Variants in HEATR5B observed in about 807,000 individuals in gnomAD.
The protein encoded by HEATR5B is HEAT repeat containing 5B, also known as HEAT repeat-containing protein 5B.
In HEATR5B, 156 loss-of-function variants were observed where a neutral mutation model predicts 224.1. That is an observed-to-expected ratio of 0.70 (90% CI 0.61 to 0.80). The LOEUF (loss-of-function observed/expected upper bound fraction) is 0.80, where lower values mean the gene tolerates loss of function less well. HEATR5B is among the 30% of genes least tolerant of loss of function. The probability of loss-of-function intolerance (pLI) is 0.00; values close to 1 mark genes in which losing one functional copy is unlikely to be tolerated. For missense variants in HEATR5B, 2,323 were observed against 2,535.5 expected (o/e 0.92, Z 1.80); for synonymous variants, 1,027 against 893.0 (o/e 1.15, Z -2.68).
chr2:37,075,537 G>C lies in HEATR5B; in HGVS notation c.545C>G (p.Ala182Gly), dbSNP rs1335639789. The part of the protein sequence containing the change: ...ASSHRDIYKN[A>G]RSLLTDRSMA... The stretch of plus-strand genomic sequence containing the variant: ...TGACCTATCAGTCAAGAGAGACCTG[G>C]CATTCTTGTAAATATCACGATGGGA... Residue 182 changes from alanine (A) to glycine (G), a missense_variant, in exon 5 of 36, where the codon GCC (alanine) becomes GGC (glycine). Around this residue, in one of 12 missense-constraint regions of HEATR5B, gnomAD observed 292 missense variants for 332.6 expected, o/e 0.88. Coordinates refer to ENST00000233099, the MANE Select transcript of HEATR5B (RefSeq NM_019024.3). The C allele has an allele frequency of 1.2e-6, 2 of 1,613,776 alleles. No individual in the cohort carries two copies. Among genetic ancestry groups the C allele is most frequent in the Admixed American group, 3.3e-5 (2 of 59,994 alleles).
chr2:37,080,630 C>CT lies in HEATR5B; in HGVS notation c.127-1300_127-1299insA, dbSNP rs141649084. ...AAAGGGCAGGTTTGGGAGGAGAAAT[C>CT]AAGAATTTGGTTTGGGTATGTTAAC... On this transcript the variant is annotated intron_variant, in intron 2 of 35. Transcript: ENST00000233099. Among the ~76,000 whole-genome samples, 279 of 152,102 alleles carry CT rather than the reference C, an allele frequency of 1.8e-3. 1 individual carries two copies. The highest frequency in any genetic ancestry group is 3.4e-3 in the Middle Eastern group (1 of 294).
intron 16 of HEATR5B, among the ~76,000 whole-genome samples, chr2:37,053,966 T>C (rs1670722818): frequency 6.6e-6 from 1 of 151,870 alleles, no homozygotes; most frequent in African/African-American, 2.4e-5. Context: ...ATTTTTAAGT[T>C]AGAAAATTTT....
At chr2:37,042,264 G>C (rs1007250582) in intron 18 of HEATR5B, among the ~76,000 whole-genome samples, 1 of 152,102 alleles carries the variant, frequency 6.6e-6, no homozygotes, top group East Asian at 1.9e-4. Context: ...ATGAATACGA[G>C]GGGTCTTCAA....
At chr2:37,037,532 T>C (rs2372914) in intron 21 of HEATR5B, among the ~76,000 whole-genome samples, 78,575 of 151,836 alleles carry the variant, frequency 0.52, 20,606 homozygotes, top group East Asian at 0.68. Context: ...TAAAATGAAT[T>C]GTCATAAAAT....
chr2:36,991,513 A>C (rs1258797296), intron 33 of HEATR5B, among the ~76,000 whole-genome samples: 1 of 150,144 alleles, frequency 6.7e-6, no homozygotes, highest in Non-Finnish European at 1.5e-5. Context: ...AAAAAAAAAA[A>C]ACTTGGACAA....
At chr2:37,001,262 C>G (rs542031604) in intron 32 of HEATR5B, among the ~76,000 whole-genome samples, 41 of 152,216 alleles carry the variant, frequency 2.7e-4, no homozygotes, top group Admixed American at 5.9e-4. Context: ...AAAAGGACTA[C>G]TGGGGCAAGG....
At chr2:37,066,230 A>G (rs767503397) in intron 8 of HEATR5B, among the ~76,000 whole-genome samples, 5 of 152,182 alleles carry the variant, frequency 3.3e-5, no homozygotes, top group Admixed American at 6.5e-5. Context: ...TCAAATCCCA[A>G]TTCCACTAGT....
At chr2:37,036,357 C>T (rs1669474849) in intron 21 of HEATR5B, among the ~76,000 whole-genome samples, 1 of 152,168 alleles carries the variant, frequency 6.6e-6, no homozygotes. Flanking sequence ...CTTAATCACA[C>T]TAACTAATTG....
chr2:37,028,224 A>T, intron 23 of HEATR5B, 50 bp from the exon 24 acceptor site: 1 of 1,263,344 alleles, frequency 7.9e-7, no homozygotes, highest in Non-Finnish European at 1.1e-6. Flanking sequence ...AGCAAAAATG[A>T]TCCTTTAAAA....
chr2:36,994,559 C>A (rs539699593), intron 33 of HEATR5B, among the ~76,000 whole-genome samples: 1 of 152,226 alleles, frequency 6.6e-6, no homozygotes, highest in Non-Finnish European at 1.5e-5. Flanking sequence ...TCATAACTGG[C>A]TGTGTCTCCT....
chr2:37,040,578 G>C (rs540809149), intron 19 of HEATR5B, 60 bp from the exon 20 acceptor site: 2 of 1,297,788 alleles, frequency 1.5e-6, no homozygotes, highest in African/African-American at 3.0e-5. Context: ...ACTGAATTGA[G>C]TATACTGAAT....
chr2:36,988,839 C>T lies in HEATR5B; in HGVS notation c.5718G>A (p.Gln1906=). The T allele has an allele frequency of 6.2e-7, 1 of 1,613,978 alleles. No individual in the cohort carries two copies. Among genetic ancestry groups the T allele is most frequent in the Non-Finnish European group, 8.5e-7 (1 of 1,179,904 alleles). The change falls in exon 35 of 36, where the codon CAG becomes CAA. Residue 1906 remains glutamine, a synonymous_variant. Transcript: ENST00000233099. ...CDPWVQAKCY[Q]LLLSVFQHSN... Reference sequence around the variant, plus strand: ...AATGCTGGAAGACTGAGAGGAGAAGCTGGTAACATTTGGCTTGAACCTATA... The same window carrying T: ...AATGCTGGAAGACTGAGAGGAGAAGTTGGTAACATTTGGCTTGAACCTATA...
chr2:36,982,583 T>C (rs760862169), intron 35 of HEATR5B, among the ~76,000 whole-genome samples: 1 of 152,166 alleles, frequency 6.6e-6, no homozygotes, highest in Non-Finnish European at 1.5e-5. Context: ...GAATGACAAC[T>C]GACGCAATTG....
intron 7 of HEATR5B, among the ~76,000 whole-genome samples, chr2:37,069,559 T>C (rs1045520904): frequency 6.6e-6 from 1 of 152,188 alleles, no homozygotes; most frequent in Non-Finnish European, 1.5e-5. Context: ...CCAGTATTTT[T>C]AGCTACAGGG....
intron 19 of HEATR5B, chr2:37,040,889 A>C: frequency 2.3e-6 from 1 of 426,614 alleles, no homozygotes. Context: ...AAAAAAGTAC[A>C]CAGAATAATA....
At chr2:37,045,890 C>T (rs963427026) in intron 18 of HEATR5B, among the ~76,000 whole-genome samples, 10 of 152,184 alleles carry the variant, frequency 6.6e-5, no homozygotes, top group African/African-American at 2.4e-4. Flanking sequence ...TGTCCAATGT[C>T]TCAAAACTGT....
intron 33 of HEATR5B, among the ~76,000 whole-genome samples, chr2:36,996,972 C>G (rs1666761406): frequency 9.0e-6 from 1 of 111,010 alleles, no homozygotes; most frequent in African/African-American, 3.3e-5. Flanking sequence ...ATCAACCCAC[C>G]TTGACCTCCT....
intron 26 of HEATR5B, among the ~76,000 whole-genome samples, chr2:37,019,325 G>C (rs1397381712): frequency 6.6e-5 from 10 of 152,048 alleles, no homozygotes; most frequent in Admixed American, 4.6e-4. Flanking sequence ...TTTTCATAAT[G>C]TGTGGTCAAA....
intron 10 of HEATR5B, among the ~76,000 whole-genome samples, chr2:37,062,741 T>C (rs1671361047): frequency 6.6e-6 from 1 of 152,208 alleles, no homozygotes; most frequent in Non-Finnish European, 1.5e-5. Flanking sequence ...CCACTTCTCA[T>C]TTTTCCTGTG....
Sources: gnomAD v4.1 joint callset for allele counts (sites outside exome capture counted in the v4.1 genomes callset) on GRCh38, gnomAD v4.1.1 for gene constraint, gnomAD v4.1.1 regional missense constraint, MANE v1.5 for transcripts, NCBI Gene and HGNC (gene_info 2026-07-23, HGNC 2026-07-21) for gene names.